The following LMLN variants were observed in gnomAD, a reference collection of about 807,000 sequenced individuals.
The protein encoded by LMLN is leishmanolysin like peptidase.
In LMLN, 70 loss-of-function variants were observed where a neutral mutation model predicts 92.3. The ratio of observed to expected loss-of-function variants is 0.76; its 90% CI spans 0.63 to 0.92. LMLN has a LOEUF of 0.92. Ranked by LOEUF, LMLN falls within the 40% of genes least tolerant of loss-of-function variation. LMLN has a pLI of 0.00. For synonymous variants in LMLN, 308 were observed against 296.2 expected (o/e 1.04, Z -0.41); for missense variants, 691 against 814.6 (o/e 0.85, Z 1.85).
exon 16 of LMLN, chr3:198,040,971 C>G (rs1723388034): frequency 6.6e-6 from 1 of 152,584 alleles, no homozygotes; most frequent in South Asian, 2.1e-4. Flanking sequence ...GTAACCACAA[C>G]CCTCGGACAG....
intron 11 of LMLN, among the ~76,000 whole-genome samples, chr3:198,005,469 C>G (rs978568905): frequency 2.0e-5 from 3 of 152,004 alleles, no homozygotes; most frequent in African/African-American, 7.2e-5. Flanking sequence ...CTCCTGTATA[C>G]TTTAAATTAC....
chr3:197,989,951 T>G (rs1171013488), intron 8 of LMLN, among the ~76,000 whole-genome samples: 3 of 152,242 alleles, frequency 2.0e-5, no homozygotes, highest in Non-Finnish European at 4.4e-5. Flanking sequence ...CATAGCTCAC[T>G]GCAGCCTTGA....
intron 15 of LMLN, among the ~76,000 whole-genome samples, chr3:198,037,287 T>C (rs2109961360): frequency 6.6e-6 from 1 of 152,344 alleles, no homozygotes; most frequent in South Asian, 2.1e-4. Context: ...CAGAACTTTC[T>C]AAAGATAGCA....
chr3:197,960,421 A>C, exon 1 of LMLN: 1 of 1,613,740 alleles, frequency 6.2e-7, no homozygotes, highest in Non-Finnish European at 8.5e-7. Flanking sequence ...TGCCGGCACC[A>C]CGTCCCCTCT....
intron 10 of LMLN, among the ~76,000 whole-genome samples, chr3:197,997,844 C>T (rs572544105): frequency 6.6e-6 from 1 of 152,234 alleles, no homozygotes; most frequent in South Asian, 2.1e-4. Context: ...ATGAATGTAG[C>T]ATAACAGTTC....
chr3:197,993,446 C>T (rs1446644083), intron 9 of LMLN, among the ~76,000 whole-genome samples: 6 of 151,868 alleles, frequency 4.0e-5, no homozygotes, highest in African/African-American at 1.5e-4. Flanking sequence ...TAGTAGTTTT[C>T]TATATACTAA....
At chr3:198,024,318 C>G (rs1015410049) in intron 13 of LMLN, among the ~76,000 whole-genome samples, 3 of 151,456 alleles carry the variant, frequency 2.0e-5, no homozygotes, top group Non-Finnish European at 4.4e-5. Flanking sequence ...CGGGTTCACG[C>G]CATTCTCCTG....
chr3:198,010,528 G>A (rs1722404854), intron 11 of LMLN, among the ~76,000 whole-genome samples: 6 of 152,068 alleles, frequency 3.9e-5, no homozygotes, highest in Admixed American at 3.9e-4. Flanking sequence ...GAGGCTCACT[G>A]CAGCCTTGAC....
chr3:198,033,797 C>A (rs561987072), intron 14 of LMLN, among the ~76,000 whole-genome samples: 5 of 152,342 alleles, frequency 3.3e-5, no homozygotes, highest in African/African-American at 1.2e-4. Flanking sequence ...TTTTCAGCGC[C>A]AAGCACGGCG....
chr3:198,028,556 A>G (rs992748771), intron 14 of LMLN, among the ~76,000 whole-genome samples: 2 of 152,184 alleles, frequency 1.3e-5, no homozygotes, highest in African/African-American at 2.4e-5. Context: ...TTTCATGTCA[A>G]CCCTTTGTGT....
Position 197,979,972 on chromosome 3 carries a change from GA to G in LMLN, c.550-346del, listed in dbSNP as rs372164602. Among the ~76,000 whole-genome samples, 13 of 151,496 alleles carry G rather than the reference GA, an allele frequency of 8.6e-5. No individual in the cohort carries two copies. The East Asian group carries it at 2.1e-3, about 25-fold the overall frequency. ...ATTAATTGTAGATTCAAAGAAAGTT[GA>G]AAAAAAAGCTACTTTTAGGGAAATC... On this transcript the variant is annotated intron_variant, in intron 5 of 15. Coordinates refer to ENST00000330198, the Ensembl canonical transcript of LMLN.
intron 9 of LMLN, among the ~76,000 whole-genome samples, chr3:197,993,213 G>A (rs917373435): frequency 3.3e-5 from 5 of 152,064 alleles, no homozygotes; most frequent in Non-Finnish European, 7.4e-5. Flanking sequence ...TTTCCTCCAA[G>A]ATCTGGAACA....
Position 198,035,361 on chromosome 3 carries a change from G to GTTTTTTT in LMLN, c.1657-458_1657-452dup, listed in dbSNP as rs10679322. On this transcript the variant is annotated intron_variant, in intron 14 of 15. Transcript: ENST00000330198. ...TTAGGACCTAAATAACCCTCTTTTG[G>GTTTTTTT]TTTTTTTTTTTTTTTTTTTTGACAC... 5.1e-5 allele frequency among the ~76,000 whole-genome samples: 6 copies of GTTTTTTT among 117,714 alleles called. 1 individual carries two copies. The highest frequency in any genetic ancestry group is 1.8e-4 in the African/African-American group (5 of 28,072). 77.2% of individuals were successfully genotyped at this position (117,714 alleles called of 152,430 possible). A position where few individuals can be genotyped will look rare whatever the true frequency, so the allele number is the denominator to read the frequency against.
At chr3:198,037,329 C>T (rs1723262228) in intron 15 of LMLN, among the ~76,000 whole-genome samples, 1 of 152,228 alleles carries the variant, frequency 6.6e-6, no homozygotes, top group Non-Finnish European at 1.5e-5. Context: ...CTCTGCTCTA[C>T]ACAGTACTCC....
At chr3:198,004,661 A>C (rs74928655) in intron 11 of LMLN, among the ~76,000 whole-genome samples, 6 of 22,350 alleles carry the variant, frequency 2.7e-4, no homozygotes, top group Non-Finnish European at 3.5e-4. Flanking sequence ...AGTAAGTTTG[A>C]CATCTATCTA....
At chr3:197,993,128 TACCTC>T (rs1721920906) in intron 9 of LMLN, among the ~76,000 whole-genome samples, 1 of 152,022 alleles carries the variant, frequency 6.6e-6, no homozygotes, top group African/African-American at 2.4e-5. Flanking sequence ...AAAAGGAAGA[TACCTC>T]AGCACAATAA....
chr3:198,014,255 CT>C (rs756766727), intron 11 of LMLN, among the ~76,000 whole-genome samples: 12 of 144,226 alleles, frequency 8.3e-5, no homozygotes, highest in Non-Finnish European at 1.8e-4. Flanking sequence ...TCAGAGCCCC[CT>C]AACTAGTCTG....
At chr3:198,009,363 G>T (rs1488807193) in intron 11 of LMLN, among the ~76,000 whole-genome samples, 2 of 152,126 alleles carry the variant, frequency 1.3e-5, no homozygotes, top group Non-Finnish European at 2.9e-5. Flanking sequence ...ATAGAGTACT[G>T]ATTCCTTTAT....
rs1054108269 is a variant in LMLN at position 198,006,713 on chromosome 3, T to C, written c.1232+7371T>C. ...ATATCCTCTTTGGCAAATTGTCTCT[T>C]TGTCTTTTTTTTTTTCTGAGATGGA... On this transcript the variant is annotated intron_variant, in intron 11 of 15. Coordinates refer to ENST00000330198, the Ensembl canonical transcript of LMLN. 2.0e-5 allele frequency among the ~76,000 whole-genome samples: 3 copies of C among 152,048 alleles called. 1 individual carries two copies. Among genetic ancestry groups the C allele is most frequent in the African/African-American group, 7.2e-5 (3 of 41,406 alleles).
Sources: gnomAD v4.1 joint callset for allele counts (sites outside exome capture counted in the v4.1 genomes callset) on GRCh38, gnomAD v4.1.1 for gene constraint, MANE v1.5 for transcripts, NCBI Gene and HGNC (gene_info 2026-07-23, HGNC 2026-07-21) for gene names.